The following SMCO2 variants were observed in gnomAD, a reference collection of about 807,000 sequenced individuals.
SMCO2 encodes the protein single-pass membrane and coiled-coil domain-containing protein 2.
A neutral mutation model predicts 29.5 loss-of-function variants in SMCO2; 25 were observed. That is an observed-to-expected ratio of 0.85 (90% CI 0.62 to 1.18). The LOEUF (loss-of-function observed/expected upper bound fraction) is 1.18. Ranked by LOEUF, SMCO2 falls within the 50% of genes most tolerant of loss-of-function variation. The pLI is 0.00. For synonymous variants in SMCO2, 117 were observed against 123.3 expected, an observed-to-expected ratio of 0.95 and a Z score of 0.34; for missense variants, 348 against 344.5, an observed-to-expected ratio of 1.01 and a Z score of -0.08.
chr12:27,447,932 C>T, the SMCO2 span, among the ~76,000 whole-genome samples: 6 of 152,292 alleles, frequency 3.9e-5, no homozygotes, highest in East Asian at 1.9e-4. Context: ...GTGCTGCCAC[C>T]GCAACCTTCC....
rs1287085361 is a variant in SMCO2, at chr12:27,485,580, T to A, written c.363-2880T>A. Among the ~76,000 whole-genome samples, 3 of 151,830 alleles carry A rather than the reference T, an allele frequency of 2.0e-5. No homozygotes were observed. In the East Asian group the frequency reaches 5.8e-4, roughly 29 times the overall value. On this transcript the variant is annotated intron_variant, in intron 4 of 7. Transcript: ENST00000298876. ...TTCTTGGCTTCCCGAGTAGCTGGGA[T>A]TATAGGCACGTGCCACCCATACCTG...
chr12:27,471,018 G>A (rs543229874), intron 2 of SMCO2, among the ~76,000 whole-genome samples: 7 of 152,234 alleles, frequency 4.6e-5, no homozygotes, highest in African/African-American at 1.2e-4. Flanking sequence ...GGGAAAATAT[G>A]TGGATTGTTT....
intron 5 of SMCO2, 47 bp downstream of exon 6, chr12:27,488,594 A>G: frequency 1.4e-6 from 2 of 1,379,874 alleles, no homozygotes; most frequent in Non-Finnish European, 2.0e-6. Flanking sequence ...GATTTCTGTC[A>G]CTTCTTTCCC....
intron 6 of SMCO2, 30 bp from the exon 8 acceptor site, chr12:27,495,650 T>C: frequency 7.0e-7 from 1 of 1,430,878 alleles, no homozygotes; most frequent in Non-Finnish European, 9.3e-7. Context: ...TAGAATTTTT[T>C]TAAGGTACTT....
chr12:27,477,720 T>C (rs1949602387), intron 4 of SMCO2, among the ~76,000 whole-genome samples: 1 of 150,302 alleles, frequency 6.7e-6, no homozygotes, highest in South Asian at 2.1e-4. Flanking sequence ...TGATCTAGTC[T>C]ATTATTTCAG....
chr12:27,482,065 C>T (rs867533848), intron 4 of SMCO2, among the ~76,000 whole-genome samples: 1 of 150,290 alleles, frequency 6.7e-6, no homozygotes, highest in Non-Finnish European at 1.5e-5. Context: ...TGTTGCTATC[C>T]TCTTTCTAAT....
At chr12:27,435,105 G>C in the SMCO2 span, among the ~76,000 whole-genome samples, 1 of 152,010 alleles carries the variant, frequency 6.6e-6, no homozygotes, top group Admixed American at 6.5e-5. Flanking sequence ...GATGACTTCA[G>C]TTTTCAGATG....
chr12:27,456,743 C>G, the SMCO2 span, among the ~76,000 whole-genome samples: 1 of 152,188 alleles, frequency 6.6e-6, no homozygotes, highest in Non-Finnish European at 1.5e-5. Context: ...AACCTACCAT[C>G]AGTGCTGGTC....
the SMCO2 span, among the ~76,000 whole-genome samples, chr12:27,437,798 A>C: frequency 1.3e-5 from 2 of 152,114 alleles, no homozygotes; most frequent in Non-Finnish European, 2.9e-5. Context: ...CTTTTGTCCA[A>C]AGACCCCTTC....
At chr12:27,457,531 A>T in the SMCO2 span, among the ~76,000 whole-genome samples, 1 of 152,256 alleles carries the variant, frequency 6.6e-6, no homozygotes, top group South Asian at 2.1e-4. Flanking sequence ...CACCCAACCC[A>T]GGAATGGGGT....
At chr12:27,489,087 T>G (rs1054921060) in intron 5 of SMCO2, among the ~76,000 whole-genome samples, 2 of 152,134 alleles carry the variant, frequency 1.3e-5, no homozygotes, top group African/African-American at 4.8e-5. Flanking sequence ...CTCACTCTGT[T>G]GCCCAGGCTG....
chr12:27,460,642 G>A, the SMCO2 span, among the ~76,000 whole-genome samples: 1 of 152,118 alleles, frequency 6.6e-6, no homozygotes, highest in South Asian at 2.1e-4. Flanking sequence ...AGAGGTGGAG[G>A]ACGTGGAAGG....
upstream of SMCO2, among the ~76,000 whole-genome samples, chr12:27,464,806 G>T (rs1949485232): frequency 6.7e-6 from 1 of 150,150 alleles, no homozygotes; most frequent in African/African-American, 2.5e-5. Context: ...TGGATCACGA[G>T]GTCGGGAGAT....
At chr12:27,482,966 A>G (rs372344756) in intron 4 of SMCO2, among the ~76,000 whole-genome samples, 4 of 152,164 alleles carry the variant, frequency 2.6e-5, no homozygotes, top group Non-Finnish European at 2.9e-5. Flanking sequence ...GCCTCAAGCA[A>G]TCCTCCCTTC....
chr12:27,494,600 G>A (rs1259460074), intron 6 of SMCO2, among the ~76,000 whole-genome samples: 1 of 151,362 alleles, frequency 6.6e-6, no homozygotes, highest in Admixed American at 6.6e-5. Context: ...GTGGTTTGCT[G>A]CATCCATCAA....
the SMCO2 span, among the ~76,000 whole-genome samples, chr12:27,445,879 T>TTTTTTC: frequency 6.6e-6 from 1 of 152,082 alleles, no homozygotes; most frequent in Non-Finnish European, 1.5e-5. Context: ...GTGGCCTTCT[T>TTTTTTC]TTTTTCTTTT....
chr12:27,502,177 G>A, exon 8 of SMCO2: 2 of 1,364,532 alleles, frequency 1.5e-6, no homozygotes, highest in Non-Finnish European at 1.9e-6. Context: ...CATTGTGGCT[G>A]TTCCTGTATT....
intron 4 of SMCO2, among the ~76,000 whole-genome samples, chr12:27,477,631 A>ATCCTTTTTTTTTTTTTTTTTTTTTTTTTT (rs1484377460): frequency 1.2e-5 from 1 of 81,110 alleles, no homozygotes; most frequent in African/African-American, 7.2e-5. Context: ...ATTCTTTTTC[A>ATCCTTTTTTTTTTTTTTTTTTTTTTTTTT]TTCTTTTTTT....
At chr12:27,473,040 G>A in intron 3 of SMCO2, 165 bp downstream of exon 3, 1 of 580,884 alleles carries the variant, frequency 1.7e-6, no homozygotes, top group Non-Finnish European at 3.0e-6. Context: ...AGGGAATATG[G>A]CATTGTTCCC....
Sources: gnomAD v4.1 joint callset for allele counts (sites outside exome capture counted in the v4.1 genomes callset) on GRCh38, gnomAD v4.1.1 for gene constraint, MANE v1.5 for transcripts, NCBI Gene and HGNC (gene_info 2026-07-23, HGNC 2026-07-21) for gene names.